The following PDGFC variants were observed in gnomAD, a reference collection of about 807,000 sequenced individuals.
The protein encoded by PDGFC is platelet derived growth factor C, also known as platelet-derived growth factor C.
In PDGFC, 12 loss-of-function variants were observed where a neutral mutation model predicts 35.5. The ratio of observed to expected loss-of-function variants is 0.34; its 90% CI spans 0.22 to 0.55. The LOEUF (loss-of-function observed/expected upper bound fraction) is 0.55, where lower values mean the gene tolerates loss of function less well. Ranked by LOEUF, PDGFC falls within the 20% of genes least tolerant of loss-of-function variation. PDGFC has a pLI of 0.91. For missense variants in PDGFC, 322 were observed against 412.4 expected, an observed-to-expected ratio of 0.78 and a Z score of 1.90; for synonymous variants, 159 against 148.8, an observed-to-expected ratio of 1.07 and a Z score of -0.50.
chr4:156,893,579 C>T (rs1246972457), intron 1 of PDGFC, among the ~76,000 whole-genome samples: 2 of 151,678 alleles, frequency 1.3e-5, no homozygotes, highest in Non-Finnish European at 2.9e-5. Context: ...TCGAGTGATC[C>T]TCCTACCTTG....
At chr4:156,862,717 C>G (rs1425496) in intron 1 of PDGFC, among the ~76,000 whole-genome samples, 2 of 151,644 alleles carry the variant, frequency 1.3e-5, no homozygotes, top group Non-Finnish European at 2.9e-5. Context: ...ACATCTTTAT[C>G]TCTCTCTCTT....
intron 2 of PDGFC, among the ~76,000 whole-genome samples, chr4:156,841,678 C>CT (rs906513545): frequency 1.3e-5 from 2 of 151,684 alleles, no homozygotes; most frequent in Non-Finnish European, 2.9e-5. Context: ...AGCTCATTTT[C>CT]TTTTTTTGGT....
intron 1 of PDGFC, among the ~76,000 whole-genome samples, chr4:156,927,061 T>C (rs1323744505): frequency 6.6e-6 from 1 of 152,160 alleles, no homozygotes; most frequent in African/African-American, 2.4e-5. Flanking sequence ...CACAAAACCA[T>C]GTGGAAGCTG....
At chr4:156,944,644 C>CTTCA (rs1475987223) in intron 1 of PDGFC, among the ~76,000 whole-genome samples, 1 of 152,140 alleles carries the variant, frequency 6.6e-6, no homozygotes, top group Non-Finnish European at 1.5e-5. Context: ...CAGGTGGCAC[C>CTTCA]TTCAGGCTGG....
intron 1 of PDGFC, among the ~76,000 whole-genome samples, chr4:156,961,119 C>G (rs576448413): frequency 6.6e-6 from 1 of 152,110 alleles, no homozygotes; most frequent in East Asian, 1.9e-4. Flanking sequence ...CATCTGCTAC[C>G]AAAGCAAAAT....
At chr4:156,934,669 C>T (rs1731633969) in intron 1 of PDGFC, among the ~76,000 whole-genome samples, 1 of 152,190 alleles carries the variant, frequency 6.6e-6, no homozygotes. Flanking sequence ...TTAAAATACA[C>T]ATTGCACAAC....
At chr4:156,863,792 A>C (rs1196993785) in intron 1 of PDGFC, among the ~76,000 whole-genome samples, 5 of 152,166 alleles carry the variant, frequency 3.3e-5, no homozygotes, top group African/African-American at 1.2e-4. Flanking sequence ...AAGACAAGAG[A>C]TCATTCCAAA....
chr4:156,796,810 T>G (rs1055019655), intron 3 of PDGFC, among the ~76,000 whole-genome samples: 1 of 152,172 alleles, frequency 6.6e-6, no homozygotes, highest in African/African-American at 2.4e-5. Context: ...ATTATTACTA[T>G]GGATAGGCTG....
chr4:156,903,568 T>G (rs1229104613), intron 1 of PDGFC, among the ~76,000 whole-genome samples: 1 of 151,984 alleles, frequency 6.6e-6, no homozygotes, highest in Non-Finnish European at 1.5e-5. Flanking sequence ...AAATAACACA[T>G]AGCAAGCTCA....
intron 1 of PDGFC, among the ~76,000 whole-genome samples, chr4:156,864,852 C>T (rs1310482285): frequency 6.6e-6 from 1 of 152,042 alleles, no homozygotes; most frequent in Non-Finnish European, 1.5e-5. Flanking sequence ...TTCAAAATTC[C>T]TCAAGTATGT....
chr4:156,801,857 T>TAA (rs1731620503), intron 3 of PDGFC, among the ~76,000 whole-genome samples: 1 of 152,170 alleles, frequency 6.6e-6, no homozygotes, highest in African/African-American at 2.4e-5. Flanking sequence ...AAAATTAAGC[T>TAA]GAAACCTCAG....
chr4:156,903,677 C>T (rs1203433659), intron 1 of PDGFC, among the ~76,000 whole-genome samples: 1 of 152,014 alleles, frequency 6.6e-6, no homozygotes, highest in African/African-American at 2.4e-5. Context: ...GACAGCATAC[C>T]TGCCAGTGAA....
chr4:156,912,231 G>T (rs1344636049), intron 1 of PDGFC, among the ~76,000 whole-genome samples: 1 of 152,258 alleles, frequency 6.6e-6, no homozygotes, highest in Admixed American at 6.5e-5. Context: ...TCAAAATTGA[G>T]AGCAGCTAGA....
At chr4:156,935,378 A>C (rs1176029400) in intron 1 of PDGFC, among the ~76,000 whole-genome samples, 1 of 151,908 alleles carries the variant, frequency 6.6e-6, no homozygotes, top group Non-Finnish European at 1.5e-5. Context: ...TCAGTAACAC[A>C]GTCATTCATT....
chr4:156,896,345 A>G lies in PDGFC; in HGVS notation c.119-45929T>C, dbSNP rs149402642. Among the ~76,000 whole-genome samples, 183 of 152,298 alleles carry G rather than the reference A, an allele frequency of 1.2e-3. 4 individuals are homozygous for G. In the East Asian group the frequency reaches 0.027, roughly 23 times the overall value. Reference sequence around the variant, plus strand: ...GAGTGCTAGATGCTTTCATAAGTCCATTCCCATTTATTCTTCAAAACAACC... The same window carrying G: ...GAGTGCTAGATGCTTTCATAAGTCCGTTCCCATTTATTCTTCAAAACAACC... On this transcript the variant is annotated intron_variant, in intron 1 of 5. Coordinates refer to ENST00000502773, the MANE Select transcript of PDGFC (RefSeq NM_016205.3).
intron 1 of PDGFC, among the ~76,000 whole-genome samples, chr4:156,911,922 G>A (rs1258838862): frequency 2.6e-5 from 4 of 152,106 alleles, no homozygotes; most frequent in Non-Finnish European, 5.9e-5. Context: ...CTGGAGAGCT[G>A]GCCAATTATT....
intron 1 of PDGFC, among the ~76,000 whole-genome samples, chr4:156,939,794 A>G (rs1731764953): frequency 6.6e-6 from 1 of 152,104 alleles, no homozygotes; most frequent in African/African-American, 2.4e-5. Flanking sequence ...AGATAATACA[A>G]AACTTCTAAA....
chr4:156,854,123 T>C (rs1196516346), intron 1 of PDGFC, among the ~76,000 whole-genome samples: 1 of 152,220 alleles, frequency 6.6e-6, no homozygotes, highest in East Asian at 1.9e-4. Context: ...CTTATAGTAA[T>C]TTATAAAAAT....
At chr4:156,842,093 C>T (rs945550803) in intron 2 of PDGFC, 3 of 152,128 alleles carry the variant, frequency 2.0e-5, no homozygotes, top group African/African-American at 7.2e-5. Context: ...TCTTCTATAA[C>T]AGAATGGACA....
Sources: gnomAD v4.1 joint callset for allele counts (sites outside exome capture counted in the v4.1 genomes callset) on GRCh38, gnomAD v4.1.1 for gene constraint, MANE v1.5 for transcripts, NCBI Gene and HGNC (gene_info 2026-07-23, HGNC 2026-07-21) for gene names.